CAMKMT: variants seen among roughly 807,000 people sequenced by gnomAD.
The protein encoded by CAMKMT is calmodulin-lysine N-methyltransferase, also known as CaM KMT.
CAMKMT carries 53 observed loss-of-function variants against 48.0 expected under a neutral mutation model. The observed-to-expected ratio is 1.10, with a 90% CI of 0.89 to 1.39. The LOEUF (loss-of-function observed/expected upper bound fraction) is 1.39. Among genes scored for constraint, CAMKMT ranks in the 40% most tolerant of loss-of-function variants. The probability of loss-of-function intolerance (pLI) is 0.00; values close to 1 mark genes in which losing one functional copy is unlikely to be tolerated. For synonymous variants in CAMKMT, 165 were observed against 152.3 expected (o/e 1.08, Z -0.61); for missense variants, 428 against 402.7 (o/e 1.06, Z -0.54).
At chr2:44,574,044 A>T (rs969482723) in intron 3 of CAMKMT, among the ~76,000 whole-genome samples, 3 of 152,224 alleles carry the variant, frequency 2.0e-5, no homozygotes, top group Non-Finnish European at 2.9e-5. Flanking sequence ...GTTTGAATCT[A>T]CATATTGGAT....
chr2:44,581,622 C>G (rs946110626), intron 3 of CAMKMT, among the ~76,000 whole-genome samples: 2 of 152,218 alleles, frequency 1.3e-5, no homozygotes, highest in Non-Finnish European at 2.9e-5. Flanking sequence ...AGCCCAAGGT[C>G]TAACATGGGA....
At chr2:44,732,612 G>A (rs946197037) in intron 7 of CAMKMT, among the ~76,000 whole-genome samples, 1 of 152,132 alleles carries the variant, frequency 6.6e-6, no homozygotes, top group African/African-American at 2.4e-5. Flanking sequence ...TGGGACTATA[G>A]GCACATGTCA....
chr2:44,748,498 CG>C (rs1400721098), intron 8 of CAMKMT, among the ~76,000 whole-genome samples: 1 of 152,098 alleles, frequency 6.6e-6, no homozygotes, highest in African/African-American at 2.4e-5. Context: ...CCAGGTTTCC[CG>C]TAGGCCTGGG....
chr2:44,521,984 C>T (rs1237269414), intron 3 of CAMKMT, among the ~76,000 whole-genome samples: 5 of 151,404 alleles, frequency 3.3e-5, no homozygotes, highest in Admixed American at 6.6e-5. Flanking sequence ...GTTATGCAAC[C>T]TCTGTTTTCT....
chr2:44,522,082 C>A (rs72879387), intron 3 of CAMKMT, among the ~76,000 whole-genome samples: 5,038 of 151,728 alleles, frequency 0.033, 250 homozygotes, highest in African/African-American at 0.11. Flanking sequence ...CAGCTCACTG[C>A]AGCCTGCCCC....
intron 3 of CAMKMT, among the ~76,000 whole-genome samples, chr2:44,629,882 T>C (rs1360279756): frequency 6.6e-6 from 1 of 151,990 alleles, no homozygotes; most frequent in Non-Finnish European, 1.5e-5. Context: ...CTTCACAGAA[T>C]TGGAAAAAAC....
chr2:44,364,380 C>T (rs904088888), intron 1 of CAMKMT, among the ~76,000 whole-genome samples: 4 of 152,018 alleles, frequency 2.6e-5, no homozygotes. Flanking sequence ...TCTGTGAAGC[C>T]ACCCCTAATG....
At chr2:44,527,762 C>T (rs1666231999) in intron 3 of CAMKMT, among the ~76,000 whole-genome samples, 2 of 142,806 alleles carry the variant, frequency 1.4e-5, no homozygotes, top group African/African-American at 5.2e-5. Context: ...ATCCTCATGA[C>T]CCCCTCCTCC....
intron 3 of CAMKMT, among the ~76,000 whole-genome samples, chr2:44,476,275 A>T (rs548237116): frequency 2.0e-3 from 310 of 152,302 alleles, no homozygotes; most frequent in Non-Finnish European, 3.9e-3. Context: ...TTGGAAAAAA[A>T]AAAGTAGTAG....
chr2:44,757,891 A>T (rs947806760), intron 9 of CAMKMT, among the ~76,000 whole-genome samples: 1 of 152,136 alleles, frequency 6.6e-6, no homozygotes, highest in African/African-American at 2.4e-5. Context: ...CCTTTTTCCA[A>T]GCATTTTCCT....
At chr2:44,651,436 C>A (rs895499052) in intron 3 of CAMKMT, among the ~76,000 whole-genome samples, 3 of 152,192 alleles carry the variant, frequency 2.0e-5, no homozygotes, top group African/African-American at 7.2e-5. Flanking sequence ...GTAATCCCAG[C>A]ACTTTGCTAG....
At chr2:44,716,229 C>T (rs1678168365) in intron 7 of CAMKMT, among the ~76,000 whole-genome samples, 1 of 152,108 alleles carries the variant, frequency 6.6e-6, no homozygotes, top group Admixed American at 6.6e-5. Flanking sequence ...ATGGTAAAGA[C>T]ACTTTCCCAC....
intron 10 of CAMKMT, among the ~76,000 whole-genome samples, chr2:44,767,094 A>G (rs1033947671): frequency 3.2e-4 from 49 of 152,204 alleles, no homozygotes; most frequent in Non-Finnish European, 5.9e-5. Context: ...GGTCAAAAGC[A>G]CTTATCTGAG....
At chr2:44,571,355 C>G (rs974410810) in intron 3 of CAMKMT, among the ~76,000 whole-genome samples, 1 of 152,036 alleles carries the variant, frequency 6.6e-6, no homozygotes, top group Admixed American at 6.5e-5. Context: ...AAGAATTTGT[C>G]CCATTGTAGC....
intron 3 of CAMKMT, among the ~76,000 whole-genome samples, chr2:44,463,625 G>A (rs1667959164): frequency 6.6e-6 from 1 of 152,114 alleles, no homozygotes; most frequent in Admixed American, 6.6e-5. Context: ...TGGATACCTG[G>A]GGTCTACAGT....
At chr2:44,393,328 ATT>A (rs1050733180) in intron 3 of CAMKMT, 1 of 152,176 alleles carries the variant, frequency 6.6e-6, no homozygotes, top group African/African-American at 2.4e-5. Context: ...AGTGTTTTAT[ATT>A]TTTGAGGTAA....
At chr2:44,365,700 A>T (rs72875347) in intron 1 of CAMKMT, among the ~76,000 whole-genome samples, 6,166 of 152,308 alleles carry the variant, frequency 0.04, 423 homozygotes, top group African/African-American at 0.14. Flanking sequence ...ACCCTGTGGC[A>T]GGTAAGGTAA....
chr2:44,625,041 T>C lies in CAMKMT; in HGVS notation c.377-79242T>C, dbSNP rs967437593. ...GAATGGCTGGGTTTTATGGTATGTA[T>C]GGTATATGTTTAACTTTGTAAGAAA... is the stretch of plus-strand genomic sequence containing the variant. On this transcript the variant is annotated intron_variant, in intron 3 of 10. Transcript: ENST00000378494. Among the ~76,000 whole-genome samples, 103 of 152,222 alleles carry C rather than the reference T, an allele frequency of 6.8e-4. 3 individuals carry two copies. Among genetic ancestry groups the C allele is most frequent in the Admixed American group, 6.5e-3 (100 of 15,280 alleles).
At chr2:44,380,335 T>C (rs1558556180) in intron 2 of CAMKMT, among the ~76,000 whole-genome samples, 1 of 152,224 alleles carries the variant, frequency 6.6e-6, no homozygotes, top group Non-Finnish European at 1.5e-5. Context: ...GAACTTTTTA[T>C]ACTCTGAGTA....
Sources: allele counts gnomAD v4.1 joint callset (sites outside exome capture counted in the v4.1 genomes callset), GRCh38; gene constraint gnomAD v4.1.1; transcripts MANE v1.5; gene names NCBI Gene and HGNC (gene_info 2026-07-23, HGNC 2026-07-21).